TRAF7: variants seen among roughly 807,000 people sequenced by gnomAD.
TRAF7 encodes the protein TNF receptor associated factor 7.
A neutral mutation model predicts 89.3 loss-of-function variants in TRAF7; 45 were observed. The observed-to-expected ratio is 0.50, with a 90% CI of 0.40 to 0.65. The LOEUF is 0.65. Among genes scored for constraint, TRAF7 ranks in the 30% least tolerant of loss-of-function variants. The probability of loss-of-function intolerance (pLI) is 0.00; values close to 1 mark genes in which losing one functional copy is unlikely to be tolerated. For synonymous variants in TRAF7, 406 were observed against 369.2 expected (o/e 1.10, Z -1.14); for missense variants, 677 against 918.1 (o/e 0.74, Z 3.39).
At chr16:2,172,630 GGT>G in intron 9 of TRAF7, 31 bp downstream of exon 9, 1 of 1,336,190 alleles carries the variant, frequency 7.5e-7, no homozygotes, top group Non-Finnish European at 1.0e-6. Flanking sequence ...GGTGGGCCGG[GGT>G]GGGCGCAGGC....
Position 2,158,734 on chromosome 16 carries a change from G to A in TRAF7, c.-39+2876G>A, listed in dbSNP as rs1163696125. Among the ~76,000 whole-genome samples the A allele has an allele frequency of 7.6e-6, 1 of 131,092 alleles. No homozygotes were observed. The highest frequency in any genetic ancestry group is 2.8e-4 in the East Asian group (1 of 3,612). 86.0% of individuals were successfully genotyped at this position (131,092 alleles called of 152,430 possible). ...ACCGAGCCACACAGGAAGCAAATGA[G>A]AACACAGCGTGGGACTGGGAAGCGT... On this transcript the variant is annotated intron_variant, in intron 1 of 20. Transcript: ENST00000326181. The surrounding 1 kb of genome is among the most constrained non-coding windows in gnomAD (Gnocchi z 4.7).
At chr16:2,171,160 C>A in intron 5 of TRAF7, 104 bp from the exon 6 acceptor site, 1 of 934,002 alleles carries the variant, frequency 1.1e-6, no homozygotes, top group Non-Finnish European at 1.6e-6. Flanking sequence ...TGACCCTGTC[C>A]TCAGAGGACA....
Position 2,172,451 on chromosome 16 carries a change from C to T in TRAF7, c.660-14C>T. On this transcript the variant is annotated splice_polypyrimidine_tract_variant and intron_variant, in intron 8 of 20. Transcript: ENST00000326181. ...GCTCTGGCTGAGGCCTCCCCGCATC[C>T]CGCCCTGGCACAGGGACCACGAGGG... 1 of 1,610,660 alleles carries T rather than the reference C, an allele frequency of 6.2e-7. No homozygotes were observed. Among genetic ancestry groups the T allele is most frequent in the South Asian group, 1.1e-5 (1 of 90,558 alleles).
chr16:2,172,162 G>A (rs772552927), intron 7 of TRAF7, 29 bp from the exon 8 acceptor site: 11 of 1,612,084 alleles, frequency 6.8e-6, no homozygotes, highest in Admixed American at 3.3e-5. Flanking sequence ...CAGGCAGGCC[G>A]TGAGGGTCAG....
chr16:2,158,702 C>T lies in TRAF7; in HGVS notation c.-39+2844C>T, dbSNP rs551442618. Among the ~76,000 whole-genome samples, 4 of 149,924 alleles carry T rather than the reference C, an allele frequency of 2.7e-5. No homozygotes were observed. In the East Asian group the frequency reaches 8.0e-4, roughly 30 times the overall value. On this transcript the variant is annotated intron_variant, in intron 1 of 20. Transcript: ENST00000326181. The surrounding 1 kb of genome is among the most constrained non-coding windows in gnomAD (Gnocchi z 4.7). ...TGCAGGGCAGAAGGAAGGAGGGAGCCCGGGAGACCGAGCCACACAGGAAGC... is the reference window on the plus strand; with the variant it reads ...TGCAGGGCAGAAGGAAGGAGGGAGCTCGGGAGACCGAGCCACACAGGAAGC...
rs934185456 is a variant in TRAF7 at position 2,173,169 on chromosome 16, C to A, written c.795-13C>A. On this transcript the variant is annotated splice_polypyrimidine_tract_variant and intron_variant, in intron 9 of 20. Transcript: ENST00000326181. The stretch of plus-strand genomic sequence containing the variant: ...AGGGACCCGCCAGGCAGGCAGCTGT[C>A]CTGTCCCCGCAGGTGCACGTTCATC... 1.9e-6 allele frequency: 3 copies of A among 1,599,182 alleles called. No individual in the cohort carries two copies. Among genetic ancestry groups the A allele is most frequent in the Non-Finnish European group, 2.6e-6 (3 of 1,174,908 alleles).
chr16:2,170,362 AAG>A (rs1359803077), intron 4 of TRAF7, among the ~76,000 whole-genome samples: 5 of 152,198 alleles, frequency 3.3e-5, no homozygotes, highest in Non-Finnish European at 5.9e-5. Context: ...CATTTACACA[AAG>A]AGAGGTGGCA....
chr16:2,164,153 TGTGTGTGCGCGCGCGCGCGCGCGCG>T, intron 2 of TRAF7, 152 bp downstream of exon 2: 1 of 553,578 alleles, frequency 1.8e-6, no homozygotes, highest in Non-Finnish European at 3.1e-6. Context: ...TGTGTGTGTG[TGTGTGTGCGCGCGCGCGCGCGCGCG>T]CGCACGCGTG....
rs375065317 is a variant in TRAF7 at position 2,173,561 on chromosome 16, G to A, written c.1086+7G>A. The A allele has an allele frequency of 2.9e-5, 46 of 1,612,360 alleles. No individual in the cohort carries two copies. The highest frequency in any genetic ancestry group is 2.0e-4 in the East Asian group (9 of 44,840). On this transcript the variant is annotated splice_region_variant and intron_variant, in intron 11 of 20. Coordinates refer to ENST00000326181, the MANE Select transcript of TRAF7 (RefSeq NM_032271.3). ...GGACGCATCCATGTTAAATGTGAGC[G>A]GGCGGGGCTGGAGGGGCTGGGTTGT...
rs536204910 is a variant in TRAF7, at chr16:2,167,753, A to G, written c.140-324A>G. On this transcript the variant is annotated intron_variant, in intron 3 of 20. Coordinates refer to ENST00000326181, the MANE Select transcript of TRAF7 (RefSeq NM_032271.3). The stretch of plus-strand genomic sequence containing the variant: ...CTGGCCATGAGCCTCAGCTGGCTCA[A>G]TTGGGGTGCTGGGGAGCTTGTAGAG... Among the ~76,000 whole-genome samples, 18 of 152,212 alleles carry G rather than the reference A, an allele frequency of 1.2e-4. No homozygotes were observed. In the East Asian group the frequency reaches 1.9e-3, roughly 16 times the overall value.
At position 2,158,174 on chromosome 16, in the gene TRAF7, C is replaced by T. The variant is rs372488640; in HGVS notation, c.-39+2316C>T. On this transcript the variant is annotated intron_variant, in intron 1 of 20. Coordinates refer to ENST00000326181, the MANE Select transcript of TRAF7 (RefSeq NM_032271.3). The surrounding 1 kb of genome is among the most constrained non-coding windows in gnomAD (Gnocchi z 4.7). The stretch of plus-strand genomic sequence containing the variant: ...GGGGAGGGCCGAGAGCTGTTGGCTG[C>T]GTGTGTCTCAGTCCGGCCTTCTCAG... Among the ~76,000 whole-genome samples, 11 of 152,280 alleles carry T rather than the reference C, an allele frequency of 7.2e-5. No individual in the cohort carries two copies. Among genetic ancestry groups the T allele is most frequent in the African/African-American group, 2.4e-4 (10 of 41,568 alleles).
chr16:2,164,176 G>GCGCGCA (rs1424321200), intron 2 of TRAF7, among the ~76,000 whole-genome samples, 175 bp downstream of exon 2: 7 of 128,168 alleles, frequency 5.5e-5, no homozygotes, highest in African/African-American at 1.9e-4. Flanking sequence ...GCGCGCGCGC[G>GCGCGCA]CGCGCACGCG....
intron 11 of TRAF7, 55 bp from the exon 12 acceptor site, chr16:2,173,733 C>G: frequency 6.2e-7 from 1 of 1,601,758 alleles, no homozygotes; most frequent in South Asian, 1.1e-5. Flanking sequence ...AGAGGCTGCA[C>G]TGGCCCCACA....
rs574361791 is a variant in TRAF7 at position 2,162,768 on chromosome 16, G to C, written c.-38-1115G>C. 1.3e-5 allele frequency among the ~76,000 whole-genome samples: 2 copies of C among 152,174 alleles called. No homozygotes were observed. The highest frequency in any genetic ancestry group is 3.9e-4 in the East Asian group (2 of 5,186). The stretch of plus-strand genomic sequence containing the variant: ...GAGGTGGACAGTGCAGGTGGGCCCG[G>C]GGCAGGAGTCCTGGGCACGTGGCCT... On this transcript the variant is annotated intron_variant, in intron 1 of 20. Coordinates refer to ENST00000326181, the MANE Select transcript of TRAF7 (RefSeq NM_032271.3). This position sits in a 1 kb window ranked among gnomAD's most constrained non-coding sequence, Gnocchi z 5.0.
At position 2,173,722 on chromosome 16, in the gene TRAF7, G is replaced by A. The variant is rs1403730882; in HGVS notation, c.1087-66G>A. The A allele has an allele frequency of 1.9e-6, 3 of 1,599,298 alleles. No homozygotes were observed. The African/African-American group carries it at 4.0e-5, about 21-fold the overall frequency. ...CCCCTGGCCCAGGGCAGCAGGGGCA[G>A]AGAGGCTGCACTGGCCCCACAGCAG... On this transcript the variant is annotated intron_variant, in intron 11 of 20. Transcript: ENST00000326181.
chr16:2,174,170 C>T (rs1169751159), intron 13 of TRAF7, 81 bp from the exon 14 acceptor site: 1 of 1,593,204 alleles, frequency 6.3e-7, no homozygotes, highest in East Asian at 2.2e-5. Context: ...ATGGGCGGGG[C>T]TCCCTCACTC....
chr16:2,168,160 G>A lies in TRAF7; in HGVS notation c.223G>A (p.Asp75Asn). ...TLAYSPRDEEDSMPPISTPRR... is the reference protein window; with the variant it reads ...TLAYSPRDEENSMPPISTPRR... ...TGCCTACTCCCCGCGGGACGAGGAG[G>A]ACAGCATGGTAGGTCCCTACCCCCA... Residue 75 changes from aspartate (D) to asparagine (N), a missense_variant, in exon 4 of 21, where the codon GAC (aspartate) becomes AAC (asparagine). This residue lies in a region of TRAF7 where 240 missense variants were observed against 191.9 expected (regional missense o/e 1.25). Coordinates refer to ENST00000326181, the MANE Select transcript of TRAF7 (RefSeq NM_032271.3). The surrounding 1 kb of genome is among the most constrained non-coding windows in gnomAD (Gnocchi z 4.1). 6.2e-7 allele frequency: 1 copy of A among 1,610,322 alleles called. No individual in the cohort carries two copies. The highest frequency in any genetic ancestry group is 8.5e-7 in the Non-Finnish European group (1 of 1,179,216).
At chr16:2,164,960 C>T (rs571706404) in intron 2 of TRAF7, among the ~76,000 whole-genome samples, 11 of 65,918 alleles carry the variant, frequency 1.7e-4, no homozygotes, top group East Asian at 1.3e-3. Flanking sequence ...TGCTGTGTGG[C>T]GCAGCCTGGT....
intron 5 of TRAF7, among the ~76,000 whole-genome samples, 155 bp downstream of exon 5, chr16:2,170,885 G>T (rs1226922684): frequency 1.6e-4 from 24 of 152,202 alleles, no homozygotes. Context: ...CCGTGGTGGG[G>T]ACTCGAGGGA....
Sources: allele counts gnomAD v4.1 joint callset (sites outside exome capture counted in the v4.1 genomes callset), GRCh38; gene constraint gnomAD v4.1.1; regional missense constraint gnomAD v4.1.1; non-coding constraint Gnocchi (gnomAD v3.1); transcripts MANE v1.5; gene names NCBI Gene and HGNC (gene_info 2026-07-23, HGNC 2026-07-21).